Variants in AAK1 observed in about 807,000 individuals in gnomAD.
AAK1 encodes the protein AP2-associated protein kinase 1.
Under a neutral mutation model 116.0 loss-of-function variants are expected in AAK1, and 37 were observed. The ratio of observed to expected loss-of-function variants is 0.32; its 90% CI spans 0.25 to 0.42. AAK1 has a LOEUF of 0.42. Among genes scored for constraint, AAK1 ranks in the 10% least tolerant of loss-of-function variants. AAK1 has a pLI of 1.00. For synonymous variants in AAK1, 458 were observed against 439.9 expected (o/e 1.04, Z -0.51); for missense variants, 919 against 1,170.6 (o/e 0.79, Z 3.14).
At chr2:69,554,052 G>A (rs992101948) in intron 3 of AAK1, among the ~76,000 whole-genome samples, 1 of 151,842 alleles carries the variant, frequency 6.6e-6, no homozygotes, top group Non-Finnish European at 1.5e-5. Flanking sequence ...GCTCCAGCTT[G>A]GGTAACTGAG....
At chr2:69,578,179 C>T (rs1034586269) in intron 2 of AAK1, among the ~76,000 whole-genome samples, 1 of 152,218 alleles carries the variant, frequency 6.6e-6, no homozygotes, top group Non-Finnish European at 1.5e-5. Flanking sequence ...ATCTTGCACA[C>T]ATCCCGATAG....
At chr2:69,522,145 C>T (rs1407815196) in intron 10 of AAK1, among the ~76,000 whole-genome samples, 1 of 152,216 alleles carries the variant, frequency 6.6e-6, no homozygotes, top group African/African-American at 2.4e-5. Flanking sequence ...CTAGCTACTA[C>T]CTAACTCAGA....
In AAK1 at chr2:69,528,839, A is replaced by G. The variant is rs1374012296; in HGVS notation, c.871+1169T>C. Among the ~76,000 whole-genome samples the G allele has an allele frequency of 2.6e-5, 4 of 152,332 alleles. No individual in the cohort carries two copies. The East Asian group carries it at 7.7e-4, about 29-fold the overall frequency. On this transcript the variant is annotated intron_variant, in intron 8 of 21. Coordinates refer to ENST00000409085, the MANE Select transcript of AAK1 (RefSeq NM_014911.5). ...ATAAATGTTTTAAAAATTATCAAAA[A>G]ATAATACTAGTCTAATATCAAAGTT...
rs1430752684 is a variant in AAK1, at chr2:69,520,964, T to C, written c.1080A>G (p.Thr360=). ...TCTGGCGGGGTGCAATTGAAGTCTC[T>C]GTGGTGGGAATGGGATCTGTCAGTC... ...KARLTDPIPT[T]ETSIAPRQRP... is the part of the protein sequence containing the mutation. The change falls in exon 11 of 22, where the codon ACA becomes ACG. Residue 360 remains threonine, a synonymous_variant. Transcript: ENST00000409085. 5.6e-6 allele frequency: 9 copies of C among 1,613,790 alleles called. No individual in the cohort carries two copies. Among genetic ancestry groups the C allele is most frequent in the Non-Finnish European group, 7.6e-6 (9 of 1,179,796 alleles).
At chr2:69,581,305 G>A (rs1318453822) in intron 2 of AAK1, among the ~76,000 whole-genome samples, 1 of 152,040 alleles carries the variant, frequency 6.6e-6, no homozygotes, top group Non-Finnish European at 1.5e-5. Flanking sequence ...GTAGAGATGG[G>A]GTTTCACCAC....
At chr2:69,593,695 C>T (rs1673135342) in intron 2 of AAK1, among the ~76,000 whole-genome samples, 1 of 152,124 alleles carries the variant, frequency 6.6e-6, no homozygotes, top group South Asian at 2.1e-4. Context: ...TAAAATTTGT[C>T]AAGATAAGCT....
chr2:69,477,547 C>T (rs755429494), intron 20 of AAK1, among the ~76,000 whole-genome samples: 10 of 152,262 alleles, frequency 6.6e-5, no homozygotes, highest in Non-Finnish European at 4.4e-5. Context: ...CAAGATCACA[C>T]GCACTGAGGC....
chr2:69,617,516 G>A (rs765958796), intron 2 of AAK1, among the ~76,000 whole-genome samples: 1 of 152,156 alleles, frequency 6.6e-6, no homozygotes, highest in Non-Finnish European at 1.5e-5. Context: ...CTTATTAAAA[G>A]CATACAAAAA....
At position 69,556,833 on chromosome 2, in the gene AAK1, A is replaced by C. The variant is rs375367630; in HGVS notation, c.282+27T>G. On this transcript the variant is annotated intron_variant, in intron 3 of 21. Coordinates refer to ENST00000409085, the MANE Select transcript of AAK1 (RefSeq NM_014911.5). ...TACAATCTCTGCCTCCATTTTAAAC[A>C]GTCCCAAGTCCAAGGGGCAGCCTTA... 7 of 1,555,390 alleles carry C rather than the reference A, an allele frequency of 4.5e-6. No individual in the cohort carries two copies. The African/African-American group carries it at 6.8e-5, about 15-fold the overall frequency.
Position 69,472,015 on chromosome 2 carries a change from TCAAA to T in AAK1, c.*3850_*3853del. On this transcript the variant is annotated 3_prime_UTR_variant, in exon 22 of 22. Coordinates refer to ENST00000409085, the MANE Select transcript of AAK1 (RefSeq NM_014911.5). ...AATTCAGGAAGAGCGAAGTCCAATA[TCAAA>T]TAACACTGAACAAAGTGACAACTTC... 1 of 985,358 alleles carries T rather than the reference TCAAA, an allele frequency of 1.0e-6. No individual in the cohort carries two copies. The highest frequency in any genetic ancestry group is 1.7e-5 in the African/African-American group (1 of 57,356). The allele number at this position is 985,358 out of a possible 1,614,324, so 61.0% of individuals were successfully genotyped here.
intron 2 of AAK1, among the ~76,000 whole-genome samples, chr2:69,635,395 A>T (rs2105266617): frequency 6.6e-6 from 1 of 152,354 alleles, no homozygotes; most frequent in South Asian, 2.1e-4. Flanking sequence ...GCAATTCCTT[A>T]AAAAATTAAA....
intron 2 of AAK1, among the ~76,000 whole-genome samples, chr2:69,618,771 T>C (rs1674453220): frequency 6.6e-6 from 1 of 152,178 alleles, no homozygotes. Flanking sequence ...CCAGATTTCT[T>C]CACGACACTG....
intron 2 of AAK1, among the ~76,000 whole-genome samples, chr2:69,628,283 TC>T: frequency 6.9e-6 from 1 of 144,160 alleles, no homozygotes; most frequent in East Asian, 2.0e-4. Context: ...CTGTTTCTTT[TC>T]TTTTTTTTTT....
At position 69,620,179 on chromosome 2, in the gene AAK1, T is replaced by C. The variant is rs1477493574; in HGVS notation, c.163+22699A>G. On this transcript the variant is annotated intron_variant, in intron 2 of 21. Coordinates refer to ENST00000409085, the MANE Select transcript of AAK1 (RefSeq NM_014911.5). ...AAGAAGTGGTTGGACCTTGGCTGTATTGTGAATATAGAGCAAACAGGATTT... is the reference window on the plus strand; with the variant it reads ...AAGAAGTGGTTGGACCTTGGCTGTACTGTGAATATAGAGCAAACAGGATTT... Among the ~76,000 whole-genome samples, 3 of 152,162 alleles carry C rather than the reference T, an allele frequency of 2.0e-5. No homozygotes were observed. In the East Asian group the frequency reaches 5.8e-4, roughly 29 times the overall value.
intron 3 of AAK1, among the ~76,000 whole-genome samples, chr2:69,548,147 T>G (rs1294004750): frequency 2.6e-5 from 4 of 152,124 alleles, no homozygotes; most frequent in Non-Finnish European, 5.9e-5. Context: ...AAGAAAAAAG[T>G]GTTCTAAAAT....
chr2:69,621,522 C>T (rs755196464), intron 2 of AAK1, among the ~76,000 whole-genome samples: 1 of 151,986 alleles, frequency 6.6e-6, no homozygotes, highest in Non-Finnish European at 1.5e-5. Context: ...TTTGACAGAC[C>T]TCAAATGAGA....
intron 3 of AAK1, among the ~76,000 whole-genome samples, chr2:69,553,607 C>T (rs1205097894): frequency 2.0e-5 from 3 of 151,686 alleles, no homozygotes; most frequent in Non-Finnish European, 2.9e-5. Context: ...CCATGCCCAG[C>T]TAATTTTTGT....
chr2:69,520,759 AG>A, intron 11 of AAK1, 74 bp downstream of exon 11: 1 of 1,475,662 alleles, frequency 6.8e-7, no homozygotes, highest in Non-Finnish European at 9.0e-7. Context: ...AAAGCAAACC[AG>A]GCTTTCCAAG....
intron 2 of AAK1, among the ~76,000 whole-genome samples, chr2:69,615,262 A>G (rs1674273872): frequency 1.3e-5 from 2 of 152,212 alleles, no homozygotes; most frequent in African/African-American, 2.4e-5. Context: ...GAAGCCCCGC[A>G]GGCCAGAATA....
Sources: gnomAD v4.1 joint callset for allele counts (sites outside exome capture counted in the v4.1 genomes callset) on GRCh38, gnomAD v4.1.1 for gene constraint, MANE v1.5 for transcripts, NCBI Gene and HGNC (gene_info 2026-07-23, HGNC 2026-07-21) for gene names.